Variants in EEF1AKMT1 observed in about 807,000 individuals in gnomAD.
EEF1AKMT1 encodes the protein EEF1A lysine methyltransferase 1, also known as N-6 adenine-specific DNA methyltransferase 2 (putative).
Under a neutral mutation model 21.0 loss-of-function variants are expected in EEF1AKMT1, and 18 were observed. That is an observed-to-expected ratio of 0.86 (90% CI 0.59 to 1.27). The LOEUF (loss-of-function observed/expected upper bound fraction) is 1.27. Among genes scored for constraint, EEF1AKMT1 ranks in the 50% most tolerant of loss-of-function variants. EEF1AKMT1 has a pLI of 0.00. For missense variants in EEF1AKMT1, 246 were observed against 258.6 expected (o/e 0.95, Z 0.33); for synonymous variants, 109 against 94.8 (o/e 1.15, Z -0.87).
At chr13:20,766,703 T>C (rs1218270055) in intron 1 of EEF1AKMT1, among the ~76,000 whole-genome samples, 1 of 151,956 alleles carries the variant, frequency 6.6e-6, no homozygotes, top group Non-Finnish European at 1.5e-5. Flanking sequence ...GCGCCTGTAG[T>C]CCCAGCTACT....
intron 2 of EEF1AKMT1, among the ~76,000 whole-genome samples, chr13:20,742,599 T>C (rs1487802976): frequency 3.9e-5 from 6 of 152,256 alleles, no homozygotes; most frequent in East Asian, 1.9e-4. Flanking sequence ...GAGTGCCTGC[T>C]GATACTTTAC....
At chr13:20,739,488 TG>T (rs1200410405) in intron 2 of EEF1AKMT1, among the ~76,000 whole-genome samples, 1 of 152,232 alleles carries the variant, frequency 6.6e-6, no homozygotes, top group East Asian at 1.9e-4. Flanking sequence ...GAGAGCTGAT[TG>T]GTCTGTTTTG....
At chr13:20,762,531 C>T (rs899411693) in intron 1 of EEF1AKMT1, among the ~76,000 whole-genome samples, 1 of 151,916 alleles carries the variant, frequency 6.6e-6, no homozygotes, top group South Asian at 2.1e-4. Flanking sequence ...GAGCAGATAT[C>T]CTACACTTGT....
chr13:20,760,904 C>G (rs1476588354), intron 1 of EEF1AKMT1, among the ~76,000 whole-genome samples: 1 of 152,160 alleles, frequency 6.6e-6, no homozygotes, highest in Non-Finnish European at 1.5e-5. Context: ...CACCAATTCT[C>G]ATTCCTAAGC....
intron 1 of EEF1AKMT1, among the ~76,000 whole-genome samples, chr13:20,764,447 C>A (rs2059016875): frequency 6.6e-6 from 1 of 152,128 alleles, no homozygotes; most frequent in Non-Finnish European, 1.5e-5. Context: ...GTGAAATATT[C>A]CATGAATACT....
chr13:20,767,141 C>A (rs774463960), intron 1 of EEF1AKMT1, among the ~76,000 whole-genome samples: 39 of 151,530 alleles, frequency 2.6e-4, no homozygotes, highest in Non-Finnish European at 5.3e-4. Context: ...CCCGTCTCCA[C>A]TAAAAATACA....
intron 3 of EEF1AKMT1, among the ~76,000 whole-genome samples, chr13:20,735,077 C>G (rs57027275): frequency 0.16 from 24,849 of 152,054 alleles, 2,446 homozygotes; most frequent in African/African-American, 0.27. Flanking sequence ...TCACACTGAG[C>G]AAGCGGAACA....
At chr13:20,760,165 G>A (rs2058993748) in intron 1 of EEF1AKMT1, among the ~76,000 whole-genome samples, 1 of 149,684 alleles carries the variant, frequency 6.7e-6, no homozygotes, top group Non-Finnish European at 1.5e-5. Flanking sequence ...ATGAGAAAAG[G>A]GAATGCTTAT....
intron 3 of EEF1AKMT1, among the ~76,000 whole-genome samples, chr13:20,735,670 G>C (rs965155448): frequency 3.9e-5 from 6 of 152,158 alleles, no homozygotes; most frequent in Non-Finnish European, 8.8e-5. Flanking sequence ...GTTTTCGAGT[G>C]CCCCACCCTT....
chr13:20,769,521 T>C (rs1201589017), intron 1 of EEF1AKMT1: 1 of 152,090 alleles, frequency 6.6e-6, no homozygotes, highest in Non-Finnish European at 1.5e-5. Context: ...CACAACTGCA[T>C]ATACAGGGGA....
intron 1 of EEF1AKMT1, among the ~76,000 whole-genome samples, chr13:20,760,377 G>C (rs1419978620): frequency 2.0e-5 from 3 of 152,122 alleles, no homozygotes; most frequent in Admixed American, 6.5e-5. Context: ...GTGAAATCAT[G>C]TCCTTTGCAG....
At chr13:20,739,650 T>G (rs1174728978) in intron 2 of EEF1AKMT1, among the ~76,000 whole-genome samples, 8 of 152,144 alleles carry the variant, frequency 5.3e-5, no homozygotes, top group Non-Finnish European at 1.0e-4. Context: ...TTACAAACCT[T>G]GAACTAGGCA....
At chr13:20,752,980 T>G (rs2058950884) in intron 2 of EEF1AKMT1, among the ~76,000 whole-genome samples, 1 of 152,124 alleles carries the variant, frequency 6.6e-6, no homozygotes, top group African/African-American at 2.4e-5. Flanking sequence ...TCTACTCATT[T>G]TGGGACTGGT....
chr13:20,734,815 C>CA (rs1460529477), intron 3 of EEF1AKMT1, among the ~76,000 whole-genome samples: 2 of 151,314 alleles, frequency 1.3e-5, no homozygotes, highest in African/African-American at 4.8e-5. Context: ...ATATTAGTGG[C>CA]AAAAAAGAAA....
rs773235638 is a variant in EEF1AKMT1, at chr13:20,731,875, C to T, written c.474G>A (p.Lys158=). Residue 158 remains lysine (K), a synonymous_variant, in exon 4 of 5, where the codon AAG becomes AAA. Coordinates refer to ENST00000382758, the MANE Select transcript of EEF1AKMT1 (RefSeq NM_001318939.2). The stretch of plus-strand genomic sequence containing the variant: ...GCAGAATCTTGCCCCGCGTCAGGTA[C>T]TTGACGGTTTCCGATGTTTTTCTGA... ...ECLRKTSETV[K]YLTRGKILLC... The T allele has an allele frequency of 8.1e-6, 13 of 1,614,014 alleles. No homozygotes were observed. In the African/African-American group the frequency reaches 1.3e-4, roughly 17 times the overall value.
chr13:20,741,334 T>TA (rs2058869414), intron 2 of EEF1AKMT1, among the ~76,000 whole-genome samples: 1 of 152,090 alleles, frequency 6.6e-6, no homozygotes, highest in Non-Finnish European at 1.5e-5. Flanking sequence ...GAGAGGCTGG[T>TA]AGTTTTCTCT....
chr13:20,738,815 G>C (rs1037885780), intron 2 of EEF1AKMT1, among the ~76,000 whole-genome samples: 3 of 152,234 alleles, frequency 2.0e-5, no homozygotes, highest in Admixed American at 6.5e-5. Context: ...GTTGCCAGGT[G>C]TTGGGAGGAT....
At chr13:20,757,654 G>T in intron 1 of EEF1AKMT1, 37 bp from the exon 2 acceptor site, 2 of 1,507,368 alleles carry the variant, frequency 1.3e-6, no homozygotes, top group Non-Finnish European at 1.8e-6. Flanking sequence ...TGCAGATTTT[G>T]TTTCCCCTTC....
chr13:20,740,030 G>T (rs1005625118), intron 2 of EEF1AKMT1, among the ~76,000 whole-genome samples: 5 of 152,258 alleles, frequency 3.3e-5, no homozygotes, highest in African/African-American at 1.2e-4. Context: ...CATGGTGGGG[G>T]AGGAGGCTCG....
Sources: gnomAD v4.1 joint callset for allele counts (sites outside exome capture counted in the v4.1 genomes callset) on GRCh38, gnomAD v4.1.1 for gene constraint, MANE v1.5 for transcripts, NCBI Gene and HGNC (gene_info 2026-07-23, HGNC 2026-07-21) for gene names.